The following ERP44 variants were observed in gnomAD, a reference collection of about 807,000 sequenced individuals.
ERP44 encodes the protein endoplasmic reticulum protein 44, also known as endoplasmic reticulum resident protein 44.
ERP44 carries 25 observed loss-of-function variants against 53.4 expected under a neutral mutation model. That is an observed-to-expected ratio of 0.47 (90% CI 0.34 to 0.65). The LOEUF (loss-of-function observed/expected upper bound fraction) is 0.65, where lower values mean the gene tolerates loss of function less well. Ranked by LOEUF, ERP44 falls within the 30% of genes least tolerant of loss-of-function variation. The pLI is 0.01. For synonymous variants in ERP44, 145 were observed against 161.2 expected, an observed-to-expected ratio of 0.90 and a Z score of 0.76; for missense variants, 338 against 493.2, an observed-to-expected ratio of 0.69 and a Z score of 2.98.
chr9:100,022,205 C>T lies in ERP44; in HGVS notation c.308G>A (p.Arg103Lys). Residue 103 changes from arginine (R) to lysine (K), a missense_variant, in exon 5 of 12, where the codon AGG becomes AAG. Arg to Lys is a conservative substitution (Grantham distance 26). This residue lies in a region of ERP44 where 224 missense variants were observed against 301.4 expected (regional missense o/e 0.74). Coordinates refer to ENST00000262455, the MANE Select transcript of ERP44 (RefSeq NM_015051.3). ...DQHSDIAQRYRISKYPTLKLF... is the reference protein window; with the variant it reads ...DQHSDIAQRYKISKYPTLKLF... Reference sequence around the variant, plus strand: ...TTTGAGGGTTGGGTATTTGCTTATCCTGTATCTCTGGGCTATGTCAGCTAA... The same window carrying T: ...TTTGAGGGTTGGGTATTTGCTTATCTTGTATCTCTGGGCTATGTCAGCTAA... The T allele has an allele frequency of 6.2e-7, 1 of 1,612,876 alleles. No individual in the cohort carries two copies. The highest frequency in any genetic ancestry group is 1.7e-4 in the Middle Eastern group (1 of 6,052).
intron 4 of ERP44, among the ~76,000 whole-genome samples, chr9:100,041,098 C>A (rs1486857439): frequency 3.3e-5 from 5 of 152,108 alleles, no homozygotes; most frequent in Non-Finnish European, 7.3e-5. Context: ...CTATTCAATG[C>A]AATCCCTATC....
intron 10 of ERP44, among the ~76,000 whole-genome samples, chr9:99,993,458 T>C (rs888208813): frequency 5.3e-5 from 8 of 152,176 alleles, no homozygotes; most frequent in African/African-American, 1.4e-4. Flanking sequence ...TGGCTAGCCA[T>C]ATATAGAAAG....
chr9:100,029,592 A>C (rs932845733), intron 4 of ERP44, among the ~76,000 whole-genome samples: 2 of 152,238 alleles, frequency 1.3e-5, no homozygotes, highest in African/African-American at 4.8e-5. Context: ...TAGCACAGCC[A>C]CTATGGAAGA....
At chr9:100,046,103 A>T (rs530159280) in intron 4 of ERP44, among the ~76,000 whole-genome samples, 5 of 152,290 alleles carry the variant, frequency 3.3e-5, no homozygotes, top group Non-Finnish European at 7.4e-5. Context: ...GCCATTTATA[A>T]CAGCACCCCA....
rs540652643 is a variant in ERP44, at chr9:100,015,724, A to G, written c.762+598T>C. ...CTTTTTGGCACCAGGGACTGGTTTC[A>G]TGGAAGACAATTTTTCCACTGATCA... is the stretch of plus-strand genomic sequence containing the variant. On this transcript the variant is annotated intron_variant, in intron 8 of 11. Coordinates refer to ENST00000262455, the MANE Select transcript of ERP44 (RefSeq NM_015051.3). 2.0e-5 allele frequency among the ~76,000 whole-genome samples: 3 copies of G among 152,360 alleles called. No individual in the cohort carries two copies. In the South Asian group the frequency reaches 6.2e-4, roughly 32 times the overall value.
chr9:100,098,322 A>G (rs931970747), intron 1 of ERP44, among the ~76,000 whole-genome samples: 2 of 152,168 alleles, frequency 1.3e-5, no homozygotes, highest in African/African-American at 4.8e-5. Flanking sequence ...TCAAGCCACA[A>G]CAGAGGGATC....
chr9:100,009,303 G>A (rs1468193212), intron 8 of ERP44, among the ~76,000 whole-genome samples: 2 of 152,016 alleles, frequency 1.3e-5, no homozygotes, highest in Non-Finnish European at 2.9e-5. Context: ...TAGTGGAGAT[G>A]GGGTTTCACC....
intron 1 of ERP44, among the ~76,000 whole-genome samples, chr9:100,096,611 C>A (rs978948228): frequency 8.5e-5 from 13 of 152,158 alleles, no homozygotes; most frequent in Middle Eastern, 6.8e-3. Context: ...TAAATTTGAA[C>A]AGGTCTAGTT....
At chr9:100,071,221 A>G (rs1450267080) in intron 1 of ERP44, among the ~76,000 whole-genome samples, 1 of 150,886 alleles carries the variant, frequency 6.6e-6, no homozygotes, top group African/African-American at 2.4e-5. Context: ...CAGCCTCCCA[A>G]GTAGCTGGGA....
chr9:99,992,463 A>G (rs1302117137), intron 10 of ERP44, among the ~76,000 whole-genome samples: 1 of 152,252 alleles, frequency 6.6e-6, no homozygotes, highest in African/African-American at 2.4e-5. Flanking sequence ...ACAAAATTCA[A>G]CAGCCCTTCA....
chr9:100,012,005 G>A (rs1470570895), intron 8 of ERP44, among the ~76,000 whole-genome samples: 2 of 152,064 alleles, frequency 1.3e-5, no homozygotes, highest in African/African-American at 2.4e-5. Context: ...TTGGATTTTG[G>A]AGCATTTCAG....
At chr9:100,044,309 C>T (rs1362605296) in intron 4 of ERP44, among the ~76,000 whole-genome samples, 1 of 152,088 alleles carries the variant, frequency 6.6e-6, no homozygotes, top group Non-Finnish European at 1.5e-5. Context: ...AACATAAGGT[C>T]TCTACTCTCA....
chr9:99,988,597 C>T (rs573814056), intron 10 of ERP44, among the ~76,000 whole-genome samples: 1 of 152,306 alleles, frequency 6.6e-6, no homozygotes, highest in East Asian at 1.9e-4. Flanking sequence ...CTCCAATCTG[C>T]AGCTCCCAGT....
intron 1 of ERP44, among the ~76,000 whole-genome samples, chr9:100,067,153 C>T (rs1826219668): frequency 6.7e-6 from 1 of 149,208 alleles, no homozygotes; most frequent in Non-Finnish European, 1.5e-5. Flanking sequence ...CGCTCTCGCT[C>T]TCGCTCTCCC....
chr9:100,014,280 T>C (rs992405389), intron 8 of ERP44, among the ~76,000 whole-genome samples: 2 of 152,200 alleles, frequency 1.3e-5, no homozygotes, highest in African/African-American at 2.4e-5. Context: ...AGTTGTTTTT[T>C]GTTTTTTGTT....
intron 10 of ERP44, among the ~76,000 whole-genome samples, chr9:99,999,757 C>T (rs1030363259): frequency 3.9e-5 from 6 of 152,100 alleles, no homozygotes; most frequent in African/African-American, 1.2e-4. Flanking sequence ...TTGTGGCCCA[C>T]ACTAATGTCA....
At chr9:100,073,613 A>T (rs924652980) in intron 1 of ERP44, among the ~76,000 whole-genome samples, 15 of 152,250 alleles carry the variant, frequency 9.9e-5, no homozygotes, top group African/African-American at 3.6e-4. Flanking sequence ...CTTCCATTGA[A>T]GATAAACATT....
intron 4 of ERP44, among the ~76,000 whole-genome samples, chr9:100,039,670 A>G (rs1476811986): frequency 6.6e-6 from 1 of 152,100 alleles, no homozygotes; most frequent in Admixed American, 6.5e-5. Context: ...GAAATAATAA[A>G]GATCAGGACA....
At position 100,045,874 on chromosome 9, in the gene ERP44, A is replaced by G. The variant is rs148533489; in HGVS notation, c.286+6543T>C. 3.8e-3 allele frequency among the ~76,000 whole-genome samples: 583 copies of G among 152,300 alleles called. 3 individuals carry two copies. Among genetic ancestry groups the G allele is most frequent in the Non-Finnish European group, 5.9e-3 (400 of 68,014 alleles). ...TAATCCTAAAGCAACAAGTAGGTAC[A>G]CTTGGTTGGAAAGAATACTGTAAGG... On this transcript the variant is annotated intron_variant, in intron 4 of 11. Transcript: ENST00000262455.
Sources: allele counts gnomAD v4.1 joint callset (sites outside exome capture counted in the v4.1 genomes callset), GRCh38; gene constraint gnomAD v4.1.1; regional missense constraint gnomAD v4.1.1; transcripts MANE v1.5; gene names NCBI Gene and HGNC (gene_info 2026-07-23, HGNC 2026-07-21).